The following NPFFR2 variants were observed in gnomAD, a reference collection of about 807,000 sequenced individuals.
NPFFR2 encodes the protein G-protein coupled receptor 74.
NPFFR2 carries 15 observed loss-of-function variants against 13.1 expected under a neutral mutation model. That is an observed-to-expected ratio of 1.15 (90% CI 0.77 to 1.76). The LOEUF is 1.76. Among genes scored for constraint, NPFFR2 ranks in the 40% most tolerant of loss-of-function variants. NPFFR2 has a pLI of 0.00. For missense variants in NPFFR2, 572 were observed against 503.5 expected (o/e 1.14, Z -1.30); for synonymous variants, 190 against 175.7 (o/e 1.08, Z -0.65).
intron 1 of NPFFR2, among the ~76,000 whole-genome samples, chr4:72,099,981 T>A (rs537309462): frequency 1.6e-4 from 24 of 152,248 alleles, no homozygotes; most frequent in South Asian, 8.3e-4. Flanking sequence ...TATGGGAATA[T>A]TTTCATCTCT....
chr4:72,068,950 T>A (rs1720161300), intron 1 of NPFFR2: 1 of 1,426,152 alleles, frequency 7.0e-7, no homozygotes, highest in South Asian at 1.4e-5. Context: ...TAATTATAGC[T>A]TTTGACATAC....
At chr4:72,037,347 T>C (rs754987863) in intron 1 of NPFFR2, among the ~76,000 whole-genome samples, 3 of 148,724 alleles carry the variant, frequency 2.0e-5, no homozygotes, top group Non-Finnish European at 4.4e-5. Flanking sequence ...GAGGTTGCAG[T>C]GAGCCATGAT....
intron 1 of NPFFR2, among the ~76,000 whole-genome samples, chr4:72,067,088 C>G (rs1439583528): frequency 6.6e-6 from 1 of 152,004 alleles, no homozygotes; most frequent in Non-Finnish European, 1.5e-5. Context: ...GAGGGGCGTC[C>G]TTTGAAATCT....
intron 2 of NPFFR2, among the ~76,000 whole-genome samples, chr4:72,130,734 A>G (rs1722209800): frequency 6.6e-6 from 1 of 152,144 alleles, no homozygotes; most frequent in Non-Finnish European, 1.5e-5. Flanking sequence ...ATCCTGTACC[A>G]GCCCCAGGGC....
At chr4:72,099,854 T>C (rs1199164367) in intron 1 of NPFFR2, among the ~76,000 whole-genome samples, 1 of 152,150 alleles carries the variant, frequency 6.6e-6, no homozygotes, top group Non-Finnish European at 1.5e-5. Context: ...AACAGACATA[T>C]GTGCTGTGTA....
chr4:72,083,283 G>A (rs137947169), intron 1 of NPFFR2, among the ~76,000 whole-genome samples: 1 of 152,144 alleles, frequency 6.6e-6, no homozygotes, highest in African/African-American at 2.4e-5. Context: ...TTCTATAATG[G>A]TTGTATTAAT....
At chr4:72,130,793 C>G (rs779866069) in intron 2 of NPFFR2, among the ~76,000 whole-genome samples, 3 of 152,200 alleles carry the variant, frequency 2.0e-5, no homozygotes, top group African/African-American at 4.8e-5. Flanking sequence ...AAGCAGACAG[C>G]TAAGTGTTAA....
At chr4:72,052,563 G>A (rs1225649290) in intron 1 of NPFFR2, among the ~76,000 whole-genome samples, 1 of 152,016 alleles carries the variant, frequency 6.6e-6, no homozygotes. Flanking sequence ...AAAACTGGAA[G>A]CATTCCCTTT....
At position 72,147,847 on chromosome 4, in the gene NPFFR2, C is replaced by A; in HGVS notation, c.*35C>A. 1 of 1,383,432 alleles carries A rather than the reference C, an allele frequency of 7.2e-7. No individual in the cohort carries two copies. Among genetic ancestry groups the A allele is most frequent in the Non-Finnish European group, 9.8e-7 (1 of 1,022,812 alleles). 85.7% of individuals were successfully genotyped at this position (1,383,432 alleles called of 1,614,324 possible). On this transcript the variant is annotated 3_prime_UTR_variant, in exon 4 of 4. Transcript: ENST00000308744. ...GTGTGATAATCCTAACTCTACTACG[C>A]ATTATATATTTAAATCCATTGCTTT...
At chr4:72,090,484 C>G (rs768439513) in intron 1 of NPFFR2, among the ~76,000 whole-genome samples, 1 of 151,986 alleles carries the variant, frequency 6.6e-6, no homozygotes, top group Non-Finnish European at 1.5e-5. Context: ...TAGTTTGTGT[C>G]ATCTATTATT....
chr4:72,127,325 A>AG (rs1722081430), intron 1 of NPFFR2, among the ~76,000 whole-genome samples: 1 of 142,888 alleles, frequency 7.0e-6, no homozygotes, highest in Non-Finnish European at 1.5e-5. Context: ...AAAAAAAAAA[A>AG]AAAAAAGTCA....
At chr4:72,063,547 A>G (rs7671028) in intron 1 of NPFFR2, among the ~76,000 whole-genome samples, 135,717 of 152,216 alleles carry the variant, frequency 0.89, 61,609 homozygotes, top group Non-Finnish European at 0.98. Context: ...TGTTATGAGT[A>G]GAAAGCAGAG....
chr4:72,127,303 C>CAAAAAAA (rs772559589), intron 1 of NPFFR2, among the ~76,000 whole-genome samples: 2 of 11,424 alleles, frequency 1.8e-4, no homozygotes, highest in African/African-American at 6.4e-4. Context: ...GACTCCATCT[C>CAAAAAAA]AAAAAAAAAA....
intron 1 of NPFFR2, among the ~76,000 whole-genome samples, chr4:72,128,376 A>G (rs1166657955): frequency 6.6e-6 from 1 of 152,208 alleles, no homozygotes; most frequent in Non-Finnish European, 1.5e-5. Flanking sequence ...TTATGGCACA[A>G]ATTGGAATTT....
intron 2 of NPFFR2, among the ~76,000 whole-genome samples, chr4:72,133,561 A>T (rs1312050480): frequency 1.3e-5 from 2 of 152,154 alleles, no homozygotes; most frequent in Admixed American, 6.5e-5. Flanking sequence ...TTGGTGATTT[A>T]ATAGGGATAG....
intron 1 of NPFFR2, among the ~76,000 whole-genome samples, chr4:72,127,197 G>A (rs1227156794): frequency 3.4e-5 from 5 of 147,718 alleles, no homozygotes; most frequent in Non-Finnish European, 7.5e-5. Flanking sequence ...CCAGCTACTC[G>A]GGAGGGTGAG....
chr4:72,139,424 T>C (rs967107968), intron 3 of NPFFR2, among the ~76,000 whole-genome samples: 3 of 152,192 alleles, frequency 2.0e-5, no homozygotes. Context: ...CCATCTTGAA[T>C]TAATTTTTGT....
chr4:72,106,608 T>C (rs1311536856), intron 1 of NPFFR2, among the ~76,000 whole-genome samples: 1 of 151,870 alleles, frequency 6.6e-6, no homozygotes, highest in Non-Finnish European at 1.5e-5. Context: ...AAAAGAGAAG[T>C]AGGACTTTCC....
chr4:72,122,277 G>C (rs1560417618), intron 1 of NPFFR2, among the ~76,000 whole-genome samples: 2 of 152,126 alleles, frequency 1.3e-5, no homozygotes, highest in Non-Finnish European at 1.5e-5. Flanking sequence ...CCTACAAAGA[G>C]ACTTAGACTC....
Sources: gnomAD v4.1 joint callset for allele counts (sites outside exome capture counted in the v4.1 genomes callset) on GRCh38, gnomAD v4.1.1 for gene constraint, MANE v1.5 for transcripts, NCBI Gene and HGNC (gene_info 2026-07-23, HGNC 2026-07-21) for gene names.